The following PIK3CB variants were observed in gnomAD, a reference collection of about 807,000 sequenced individuals.
The protein encoded by PIK3CB is phosphatidylinositol-4,5-bisphosphate 3-kinase catalytic subunit beta, also known as phosphatidylinositol 4,5-bisphosphate 3-kinase catalytic subunit beta isoform.
In PIK3CB, 39 loss-of-function variants were observed where a neutral mutation model predicts 136.8. The ratio of observed to expected loss-of-function variants is 0.29; its 90% CI spans 0.22 to 0.37. The LOEUF is 0.37. Among genes scored for constraint, PIK3CB ranks in the 10% least tolerant of loss-of-function variants. PIK3CB has a pLI of 1.00. For missense variants in PIK3CB, 868 were observed against 1,275.4 expected (o/e 0.68, Z 4.87); for synonymous variants, 428 against 436.6 (o/e 0.98, Z 0.25).
At chr3:138,704,388 C>G in intron 12 of PIK3CB, 55 bp downstream of exon 12, 1 of 1,170,324 alleles carries the variant, frequency 8.5e-7, no homozygotes, top group East Asian at 2.3e-5. Flanking sequence ...GCAAAGATAC[C>G]TAATAATGTG....
intron 13 of PIK3CB, among the ~76,000 whole-genome samples, chr3:138,695,312 T>G (rs569212500): frequency 6.8e-4 from 104 of 152,222 alleles, no homozygotes; most frequent in Non-Finnish European, 1.4e-3. Context: ...GCAAGATCAC[T>G]GCTGTAAAAC....
At chr3:138,704,552 G>A (rs2108549335) in intron 11 of PIK3CB, 59 bp from the exon 12 acceptor site, 2 of 1,040,976 alleles carry the variant, frequency 1.9e-6, no homozygotes, top group Non-Finnish European at 3.0e-6. Flanking sequence ...AATTTTAAGT[G>A]TAAATGACTA....
At chr3:138,681,162 T>G (rs1367876223) in intron 19 of PIK3CB, among the ~76,000 whole-genome samples, 2 of 149,494 alleles carry the variant, frequency 1.3e-5, no homozygotes, top group Non-Finnish European at 3.0e-5. Flanking sequence ...TTCTCATGCC[T>G]CAGCCACCAG....
At chr3:138,698,813 C>A (rs2044189558) in intron 13 of PIK3CB, 94 bp downstream of exon 13, 2 of 671,884 alleles carry the variant, frequency 3.0e-6, no homozygotes, top group Non-Finnish European at 4.8e-6. Context: ...ATTATCCTAT[C>A]TATGAAAATA....
intron 2 of PIK3CB, among the ~76,000 whole-genome samples, chr3:138,785,298 C>T (rs2045968791): frequency 6.6e-6 from 1 of 152,094 alleles, no homozygotes; most frequent in South Asian, 2.1e-4. Flanking sequence ...CTCTGCCAGG[C>T]CGCCGCCCTG....
intron 2 of PIK3CB, among the ~76,000 whole-genome samples, chr3:138,765,957 G>A (rs1367437562): frequency 1.3e-5 from 2 of 151,696 alleles, no homozygotes; most frequent in African/African-American, 4.9e-5. Flanking sequence ...TACATTTCAG[G>A]TAGCCCATGT....
intron 2 of PIK3CB, among the ~76,000 whole-genome samples, chr3:138,785,461 G>C (rs543324671): frequency 6.6e-6 from 1 of 152,300 alleles, no homozygotes; most frequent in African/African-American, 2.4e-5. Context: ...ACTCCATTTT[G>C]TTCTGTACTA....
Position 138,663,972 on chromosome 3 carries a change from T to C in PIK3CB, c.2730A>G (p.Val910=), listed in dbSNP as rs2043353669. The change falls in exon 21 of 24, where the codon GTA becomes GTG. Residue 910 remains valine, a synonymous_variant. Transcript: ENST00000674063. The stretch of plus-strand genomic sequence containing the variant: ...CACCAATCCCAAGGACATAAGAAGC[T>C]ACACAGTAGCCAGCACAGGACAGTG... ...EFTLSCAGYC[V]ASYVLGIGDR... 1.2e-6 allele frequency: 2 copies of C among 1,613,932 alleles called. No homozygotes were observed. The highest frequency in any genetic ancestry group is 1.7e-6 in the Non-Finnish European group (2 of 1,179,986).
intron 2 of PIK3CB, among the ~76,000 whole-genome samples, chr3:138,783,340 A>AG (rs11394076): frequency 0.038 from 5,760 of 151,664 alleles, 373 homozygotes; most frequent in African/African-American, 0.13. Flanking sequence ...GGAATGCAGT[A>AG]GTGTAATCAT....
At chr3:138,790,288 A>C (rs1013883708) in intron 2 of PIK3CB, among the ~76,000 whole-genome samples, 1 of 152,024 alleles carries the variant, frequency 6.6e-6, no homozygotes, top group African/African-American at 2.4e-5. Flanking sequence ...TTGTGAATGT[A>C]CTTAATGCCA....
At chr3:138,771,921 CAAA>C (rs60381827) in intron 2 of PIK3CB, among the ~76,000 whole-genome samples, 2 of 114,566 alleles carry the variant, frequency 1.7e-5, no homozygotes, top group Non-Finnish European at 1.8e-5. Flanking sequence ...GACTCAGTCT[CAAA>C]AAAAAAAAAA....
intron 19 of PIK3CB, among the ~76,000 whole-genome samples, chr3:138,671,642 G>A (rs1471200526): frequency 5.3e-5 from 8 of 152,204 alleles, no homozygotes; most frequent in Non-Finnish European, 1.0e-4. Flanking sequence ...ATCTGGACCC[G>A]ACAAAGAACT....
rs76798175 is a variant in PIK3CB at position 138,783,538 on chromosome 3, C to G, written c.-17+12925G>C. On this transcript the variant is annotated intron_variant, in intron 2 of 23. Transcript: ENST00000674063. ...GTGATCCCCATCCCCCGGCCTTGGT[C>G]TCCCAAAGTGCTGGGAATAGAGGCA... Among the ~76,000 whole-genome samples, 1,304 of 152,212 alleles carry G rather than the reference C, an allele frequency of 8.6e-3. 26 individuals carry two copies. The highest frequency in any genetic ancestry group is 0.028 in the African/African-American group (1,183 of 41,558).
intron 2 of PIK3CB, among the ~76,000 whole-genome samples, chr3:138,787,335 C>T (rs920903629): frequency 2.7e-5 from 4 of 148,286 alleles, no homozygotes; most frequent in Non-Finnish European, 4.4e-5. Flanking sequence ...CACCGCACTC[C>T]AGCCTGGGCG....
At chr3:138,759,925 AT>A (rs891692962) in intron 2 of PIK3CB, among the ~76,000 whole-genome samples, 207 of 144,794 alleles carry the variant, frequency 1.4e-3, no homozygotes, top group Middle Eastern at 3.6e-3. Flanking sequence ...TACAAGGACA[AT>A]TTTTTTTTTT....
chr3:138,759,632 C>T (rs1373038974), intron 2 of PIK3CB, among the ~76,000 whole-genome samples: 1 of 151,998 alleles, frequency 6.6e-6, no homozygotes, highest in Non-Finnish European at 1.5e-5. Context: ...TTCTTATATA[C>T]ATATAAATAA....
At chr3:138,695,002 G>T in intron 13 of PIK3CB, 95 bp from the exon 14 acceptor site, 1 of 1,198,610 alleles carries the variant, frequency 8.3e-7, no homozygotes, top group Non-Finnish European at 1.1e-6. Context: ...GTCAAAAGAA[G>T]GCAAAGCTCA....
At chr3:138,667,968 T>C (rs1005406687) in intron 19 of PIK3CB, among the ~76,000 whole-genome samples, 62 of 151,730 alleles carry the variant, frequency 4.1e-4, no homozygotes, top group Non-Finnish European at 5.9e-4. Context: ...CTCAGGAGGC[T>C]GAGGCAGGAG....
At chr3:138,825,390 AATT>A in intron 1 of PIK3CB, 1 of 626,728 alleles carries the variant, frequency 1.6e-6, no homozygotes, top group Non-Finnish European at 2.9e-6. Flanking sequence ...TGAAGCAACT[AATT>A]GGTGTTAACA....
Sources: gnomAD v4.1 joint callset for allele counts (sites outside exome capture counted in the v4.1 genomes callset) on GRCh38, gnomAD v4.1.1 for gene constraint, MANE v1.5 for transcripts, NCBI Gene and HGNC (gene_info 2026-07-23, HGNC 2026-07-21) for gene names.